Variants in POR observed in about 807,000 individuals in gnomAD.
POR encodes the protein NADPH--cytochrome P450 reductase.
A neutral mutation model predicts 84.0 loss-of-function variants in POR; 56 were observed. The ratio of observed to expected loss-of-function variants is 0.67; its 90% CI spans 0.54 to 0.83. POR has a LOEUF of 0.83. Among genes scored for constraint, POR ranks in the 40% least tolerant of loss-of-function variants. The probability of loss-of-function intolerance (pLI) is 0.00; values close to 1 mark genes in which losing one functional copy is unlikely to be tolerated. For missense variants in POR, 938 were observed against 944.3 expected (o/e 0.99, Z 0.09); for synonymous variants, 414 against 400.5 (o/e 1.03, Z -0.40).
At chr7:75,972,507 CGAT>C (rs1263344256) in intron 3 of POR, 46 bp downstream of exon 3, 2 of 1,518,754 alleles carry the variant, frequency 1.3e-6, no homozygotes, top group African/African-American at 1.4e-5. Context: ...GCCTCGGCCC[CGAT>C]GGGCATGTAA....
At chr7:75,983,918 A>G (rs1789239088) in intron 10 of POR, 62 bp downstream of exon 10, 1 of 1,344,636 alleles carries the variant, frequency 7.4e-7, no homozygotes, top group East Asian at 2.5e-5. Context: ...GGCCTGTAGG[A>G]AGGCCCTGGG....
intron 1 of POR, among the ~76,000 whole-genome samples, chr7:75,928,568 G>C (rs1454027584): frequency 6.6e-6 from 1 of 152,228 alleles, no homozygotes; most frequent in Non-Finnish European, 1.5e-5. Context: ...GTTGAACATT[G>C]AGATGGTGGA....
rs782647655 is a variant in POR, at chr7:75,983,810, C to G, written c.1020C>G (p.Ile340Met). The G allele has an allele frequency of 3.1e-6, 5 of 1,612,140 alleles. No homozygotes were observed. In the African/African-American group the frequency reaches 5.3e-5, roughly 17 times the overall value. Residue 340 changes from isoleucine (I) to methionine (M), a missense_variant, in exon 10 of 16, where the codon ATC becomes ATG. By Grantham distance (10) the Ile-to-Met change is conservative. Coordinates refer to ENST00000461988, the MANE Select transcript of POR (RefSeq NM_000941.3). ...CTCTCGTCAACCAGCTGGGCAAAAT[C>G]CTGGGTGCCGACCTGGACGTCGTCA...
rs1789044595 is a variant in POR at position 75,981,538 on chromosome 7, C to T, written c.663C>T (p.Thr221=). The T allele has an allele frequency of 6.2e-7, 1 of 1,612,876 alleles. No homozygotes were observed. Among genetic ancestry groups the T allele is most frequent in the African/African-American group, 1.3e-5 (1 of 75,046 alleles). The change falls in exon 7 of 16, where the codon ACC becomes ACT. Residue 221 remains threonine, a synonymous_variant. Transcript: ENST00000461988. ...CCAGCTTGGAGGAGGACTTCATCAC[C>T]TGGCGAGAGCAGTTCTGGCCGGCCG...
chr7:75,966,505 G>A (rs1422455184), intron 2 of POR, among the ~76,000 whole-genome samples: 3 of 152,128 alleles, frequency 2.0e-5, no homozygotes, highest in Non-Finnish European at 2.9e-5. Flanking sequence ...TGCCTCAGCC[G>A]CCACCCCTTC....
intron 2 of POR, chr7:75,968,099 G>T (rs11979171): frequency 1.6e-4 from 74 of 455,460 alleles, no homozygotes; most frequent in Admixed American, 1.5e-3. Context: ...GCACGTACTC[G>T]TCTCCACCTG....
Position 75,986,220 on chromosome 7 carries a change from G to T in POR, c.1877G>T (p.Gly626Val). 1 of 1,612,700 alleles carries T rather than the reference G, an allele frequency of 6.2e-7. No homozygotes were observed. The highest frequency in any genetic ancestry group is 8.5e-7 in the Non-Finnish European group (1 of 1,179,808). The change falls in exon 15 of 16, where the codon GGT (glycine) becomes GTT (valine). Residue 626 changes from glycine (G) to valine (V), a missense_variant. Transcript: ENST00000461988. ...CACCTGTGGAAGTTGATCGAAGGCG[G>T]TGCCCACATCTACGTCTGTGGGTGA... is the stretch of plus-strand genomic sequence containing the variant.
At chr7:75,983,887 G>A in intron 10 of POR, 31 bp downstream of exon 10, 1 of 1,534,484 alleles carries the variant, frequency 6.5e-7, no homozygotes, top group Non-Finnish European at 8.9e-7. Flanking sequence ...GCCCTGCCGG[G>A]CTCAGGCAGC....
rs1554557957 is a variant in POR at position 75,981,567 on chromosome 7, G to A, written c.692G>A (p.Cys231Tyr). The A allele has an allele frequency of 5.6e-6, 9 of 1,613,190 alleles. No individual in the cohort carries two copies. Among genetic ancestry groups the A allele is most frequent in the Non-Finnish European group, 7.6e-6 (9 of 1,179,730 alleles). Residue 231 changes from cysteine (C) to tyrosine (Y), a missense_variant, in exon 7 of 16, where the codon TGT becomes TAT. Transcript: ENST00000461988. ...CGAGAGCAGTTCTGGCCGGCCGTGT[G>A]TGAACACTTTGGGGTGGAAGCCACT...
At chr7:75,974,673 C>T (rs574729061) in intron 3 of POR, among the ~76,000 whole-genome samples, 8 of 151,896 alleles carry the variant, frequency 5.3e-5, no homozygotes, top group African/African-American at 1.4e-4. Flanking sequence ...ATTACAGGTG[C>T]GTGCTACCAT....
intron 7 of POR, chr7:75,982,008 T>A (rs1789077272): frequency 5.1e-6 from 3 of 583,882 alleles, no homozygotes; most frequent in Non-Finnish European, 9.2e-6. Flanking sequence ...CCCCGGCTTC[T>A]GGGCGTCTGG....
intron 1 of POR, among the ~76,000 whole-genome samples, chr7:75,931,940 T>A (rs1226047651): frequency 6.6e-6 from 1 of 152,206 alleles, no homozygotes; most frequent in Non-Finnish European, 1.5e-5. Flanking sequence ...CTCCCTTAAG[T>A]GCTTATTAAT....
intron 1 of POR, among the ~76,000 whole-genome samples, chr7:75,919,127 T>G (rs1252731252): frequency 6.6e-6 from 1 of 151,772 alleles, no homozygotes; most frequent in Non-Finnish European, 1.5e-5. Context: ...GCCTCCCGAG[T>G]AGCTAGGATT....
chr7:75,964,999 G>A (rs558402290), intron 2 of POR, among the ~76,000 whole-genome samples: 8 of 151,946 alleles, frequency 5.3e-5, no homozygotes, highest in African/African-American at 1.7e-4. Context: ...CCTGGGCAAC[G>A]GAGCGAACCC....
At chr7:75,915,302 C>T in intron 1 of POR, 123 bp downstream of exon 1, 1 of 152,848 alleles carries the variant, frequency 6.5e-6, no homozygotes, top group Non-Finnish European at 1.5e-5. Context: ...GGCCCTCGGG[C>T]CTGGGCACTG....
chr7:75,964,005 CTT>C (rs59047174), intron 2 of POR, among the ~76,000 whole-genome samples: 19 of 145,534 alleles, frequency 1.3e-4, no homozygotes, highest in Admixed American at 1.4e-4. Flanking sequence ...TTCTTTCTTT[CTT>C]TTTTTTTTTT....
chr7:75,985,390 G>T (rs894596656), intron 12 of POR, 183 bp downstream of exon 12: 4 of 1,131,552 alleles, frequency 3.5e-6, no homozygotes, highest in Non-Finnish European at 4.8e-6. Context: ...GAGATTCTCA[G>T]CATCTGTCCA....
chr7:75,949,421 TG>T (rs1295377480), intron 1 of POR, among the ~76,000 whole-genome samples: 2 of 151,852 alleles, frequency 1.3e-5, no homozygotes, highest in African/African-American at 4.8e-5. Flanking sequence ...CCCAAAGTGA[TG>T]GGATTACAGG....
At chr7:75,922,938 G>T in intron 1 of POR, 1 of 673,492 alleles carries the variant, frequency 1.5e-6, no homozygotes, top group South Asian at 1.6e-5. Flanking sequence ...CCTGGCGGCA[G>T]AAACATGACA....
Sources: allele counts gnomAD v4.1 joint callset (sites outside exome capture counted in the v4.1 genomes callset), GRCh38; gene constraint gnomAD v4.1.1; transcripts MANE v1.5; gene names NCBI Gene and HGNC (gene_info 2026-07-23, HGNC 2026-07-21).